Variants in RASEF observed in about 807,000 individuals in gnomAD.
RASEF encodes RAS and EF-hand domain containing.
In RASEF, 68 loss-of-function variants were observed where a neutral mutation model predicts 90.1. The observed-to-expected ratio is 0.75, with a 90% CI of 0.62 to 0.92. The LOEUF (loss-of-function observed/expected upper bound fraction) is 0.92, where lower values mean the gene tolerates loss of function less well. Ranked by LOEUF, RASEF falls within the 40% of genes least tolerant of loss-of-function variation. The probability of loss-of-function intolerance (pLI) is 0.00; values close to 1 mark genes in which losing one functional copy is unlikely to be tolerated. For synonymous variants in RASEF, 331 were observed against 345.2 expected (o/e 0.96, Z 0.46); for missense variants, 949 against 937.2 (o/e 1.01, Z -0.16).
chr9:83,043,399 G>A (rs546581892), intron 1 of RASEF, among the ~76,000 whole-genome samples: 3 of 142,956 alleles, frequency 2.1e-5, no homozygotes, highest in African/African-American at 5.8e-5. Context: ...GCAGTGATTG[G>A]GGGGGGGGAC....
chr9:82,985,301 C>T (rs766592936), intron 16 of RASEF, among the ~76,000 whole-genome samples: 9 of 152,178 alleles, frequency 5.9e-5, no homozygotes, highest in East Asian at 1.9e-4. Context: ...AAGAGAAAAA[C>T]GAGAGAGAAG....
the RASEF span, among the ~76,000 whole-genome samples, chr9:83,160,587 A>G: frequency 1.3e-5 from 2 of 152,222 alleles, no homozygotes; most frequent in African/African-American, 2.4e-5. Flanking sequence ...GCAGCCTGAC[A>G]ATGCAATGGA....
chr9:83,152,791 A>G, the RASEF span, among the ~76,000 whole-genome samples: 1 of 152,008 alleles, frequency 6.6e-6, no homozygotes, highest in East Asian at 1.9e-4. Context: ...CCAACTCATA[A>G]CCTACTTATT....
At chr9:83,175,065 T>C in the RASEF span, among the ~76,000 whole-genome samples, 1 of 152,282 alleles carries the variant, frequency 6.6e-6, no homozygotes, top group Non-Finnish European at 1.5e-5. Flanking sequence ...ATGTGATCCA[T>C]GAATAGAGAT....
At chr9:83,076,438 A>T in the RASEF span, among the ~76,000 whole-genome samples, 1 of 152,148 alleles carries the variant, frequency 6.6e-6, no homozygotes, top group South Asian at 2.1e-4. Context: ...TAAGAAAAAA[A>T]AAAAGGTCAC....
the RASEF span, among the ~76,000 whole-genome samples, chr9:83,191,719 A>T: frequency 3.3e-5 from 5 of 152,230 alleles, no homozygotes; most frequent in African/African-American, 9.6e-5. Flanking sequence ...ACTTCAAAGT[A>T]TCAAACTGCT....
At chr9:83,083,181 G>A in the RASEF span, among the ~76,000 whole-genome samples, 1 of 152,138 alleles carries the variant, frequency 6.6e-6, no homozygotes, top group African/African-American at 2.4e-5. Context: ...CCCCAGAGCA[G>A]ATGAATTCCA....
At chr9:83,144,785 G>C in the RASEF span, among the ~76,000 whole-genome samples, 1 of 152,166 alleles carries the variant, frequency 6.6e-6, no homozygotes, top group East Asian at 1.9e-4. Context: ...TGGAAGAAGA[G>C]ATAAACCAGG....
chr9:83,194,385 T>G, the RASEF span, among the ~76,000 whole-genome samples: 1 of 152,204 alleles, frequency 6.6e-6, no homozygotes, highest in Non-Finnish European at 1.5e-5. Flanking sequence ...ATGGTTACAC[T>G]AGGGTCAGGT....
Position 82,982,560 on chromosome 9 carries a change from C to A in RASEF, c.*117G>T, listed in dbSNP as rs1476463060. ...GAGAGCTGGGTTCAGGTTTCCTGCACTGTAACTCTCCATAGGACAGTGTCA... is the reference window on the plus strand; with the variant it reads ...GAGAGCTGGGTTCAGGTTTCCTGCAATGTAACTCTCCATAGGACAGTGTCA... On this transcript the variant is annotated 3_prime_UTR_variant, in exon 17 of 17. Coordinates refer to ENST00000376447, the MANE Select transcript of RASEF (RefSeq NM_152573.4). 1.4e-5 allele frequency: 10 copies of A among 693,264 alleles called. No homozygotes were observed. The highest frequency in any genetic ancestry group is 2.6e-5 in the Non-Finnish European group (10 of 378,060). The allele number at this position is 693,264 out of a possible 1,614,324, so 42.9% of individuals were successfully genotyped here.
chr9:83,045,322 T>C (rs935428689), intron 1 of RASEF, among the ~76,000 whole-genome samples: 5 of 152,214 alleles, frequency 3.3e-5, no homozygotes, highest in African/African-American at 1.2e-4. Context: ...AGTGAATGTA[T>C]GCTAGGACTG....
chr9:83,008,187 C>T (rs1254903668), intron 6 of RASEF, among the ~76,000 whole-genome samples: 5 of 152,304 alleles, frequency 3.3e-5, no homozygotes, highest in African/African-American at 7.2e-5. Context: ...AACCTCATCA[C>T]TAGCTTCCCA....
At chr9:83,114,220 G>A in the RASEF span, among the ~76,000 whole-genome samples, 2 of 152,282 alleles carry the variant, frequency 1.3e-5, no homozygotes, top group Admixed American at 1.3e-4. Flanking sequence ...TGTCTTTACT[G>A]CAATCTCTGA....
chr9:83,083,225 T>C, the RASEF span, among the ~76,000 whole-genome samples: 3 of 152,260 alleles, frequency 2.0e-5, no homozygotes, highest in Non-Finnish European at 4.4e-5. Context: ...CCCAAATTGG[T>C]AAATGGTCTA....
chr9:83,210,011 A>G, the RASEF span, among the ~76,000 whole-genome samples: 5 of 152,226 alleles, frequency 3.3e-5, no homozygotes, highest in Admixed American at 6.5e-5. Flanking sequence ...ACACTTTGAA[A>G]TATGTATTTA....
intron 1 of RASEF, among the ~76,000 whole-genome samples, chr9:83,040,300 A>G (rs966913043): frequency 6.6e-6 from 1 of 152,230 alleles, no homozygotes; most frequent in Non-Finnish European, 1.5e-5. Flanking sequence ...AAACCAATGT[A>G]TCAAATCTTG....
At chr9:83,181,253 A>T in the RASEF span, among the ~76,000 whole-genome samples, 1 of 151,854 alleles carries the variant, frequency 6.6e-6, no homozygotes, top group African/African-American at 2.4e-5. Flanking sequence ...GTGAGGCTTG[A>T]GAGGCATAAG....
chr9:83,132,111 C>A, the RASEF span, among the ~76,000 whole-genome samples: 2 of 152,102 alleles, frequency 1.3e-5, no homozygotes, highest in African/African-American at 4.8e-5. Flanking sequence ...GTTCTTAAAC[C>A]TGGGTGGGCT....
intron 1 of RASEF, among the ~76,000 whole-genome samples, chr9:83,059,049 T>C (rs1428107335): frequency 1.3e-5 from 2 of 152,118 alleles, no homozygotes; most frequent in African/African-American, 4.8e-5. Context: ...CTGTGCCCAC[T>C]CACAGACCCT....
Sources: gnomAD v4.1 joint callset for allele counts (sites outside exome capture counted in the v4.1 genomes callset) on GRCh38, gnomAD v4.1.1 for gene constraint, MANE v1.5 for transcripts, NCBI Gene and HGNC (gene_info 2026-07-23, HGNC 2026-07-21) for gene names.